Variants in PRKRIP1 observed in about 807,000 individuals in gnomAD.
PRKRIP1 encodes the protein PRKR interacting protein 1.
PRKRIP1 carries 29 observed loss-of-function variants against 29.3 expected under a neutral mutation model. The observed-to-expected ratio is 0.99, with a 90% CI of 0.74 to 1.35. The LOEUF (loss-of-function observed/expected upper bound fraction) is 1.35, where lower values mean the gene tolerates loss of function less well. Among genes scored for constraint, PRKRIP1 ranks in the 40% most tolerant of loss-of-function variants. The pLI is 0.00. For missense variants in PRKRIP1, 247 were observed against 236.8 expected, an observed-to-expected ratio of 1.04 and a Z score of -0.28; for synonymous variants, 90 against 85.1, an observed-to-expected ratio of 1.06 and a Z score of -0.32.
At chr7:102,401,267 G>C (rs1030398302) in intron 3 of PRKRIP1, among the ~76,000 whole-genome samples, 2 of 152,170 alleles carry the variant, frequency 1.3e-5, no homozygotes, top group Non-Finnish European at 2.9e-5. Flanking sequence ...AGCACAACAG[G>C]AATTGTTGAG....
In PRKRIP1 at chr7:102,396,422, C is replaced by A; in HGVS notation, c.11C>A (p.Pro4Gln). The A allele has an allele frequency of 6.3e-7, 1 of 1,584,698 alleles. No homozygotes were observed. The highest frequency in any genetic ancestry group is 1.1e-5 in the South Asian group (1 of 89,586). The change falls in exon 1 of 6, where the codon CCA becomes CAA. Residue 4 changes from proline (P) to glutamine (Q), a missense_variant. By Grantham distance (76) the Pro-to-Gln change is moderately conservative (BLOSUM62 -1). Transcript: ENST00000397912. ...AACTGGAAGGCTGCCATGGCTAGCC[C>A]AGCCGCCTCCTCGGTGCGACCACCG... is the stretch of plus-strand genomic sequence containing the variant. MAS[P>Q]AASSVRPPRP...
At position 102,425,125 on chromosome 7, in the gene PRKRIP1, AG is replaced by A. The variant is rs781865486; in HGVS notation, c.*15del. 4.2e-5 allele frequency: 68 copies of A among 1,608,188 alleles called. No homozygotes were observed. The highest frequency in any genetic ancestry group is 5.7e-5 in the Non-Finnish European group (67 of 1,179,036). On this transcript the variant is annotated 3_prime_UTR_variant, in exon 6 of 6. Coordinates refer to ENST00000397912, the MANE Select transcript of PRKRIP1 (RefSeq NM_024653.4). ...ATGGGGCGATGACAATGTTTGCCAC[AG>A]CCTCTGCCTGGAACCTGGCTCGTGC...
chr7:102,416,866 T>C (rs575914885), intron 5 of PRKRIP1, among the ~76,000 whole-genome samples: 1 of 152,032 alleles, frequency 6.6e-6, no homozygotes, highest in African/African-American at 2.4e-5. Context: ...TTTGTTTGTT[T>C]GTTTGTTGAG....
chr7:102,405,046 C>T (rs1586679395), intron 4 of PRKRIP1, among the ~76,000 whole-genome samples: 2 of 152,070 alleles, frequency 1.3e-5, no homozygotes, highest in East Asian at 3.8e-4. Flanking sequence ...CCTGCCTCAG[C>T]CTCCTGAGTA....
At chr7:102,407,302 A>G in intron 4 of PRKRIP1, 132 bp from the exon 5 acceptor site, 1 of 610,096 alleles carries the variant, frequency 1.6e-6, no homozygotes, top group Non-Finnish European at 2.9e-6. Flanking sequence ...CTCACCTAAT[A>G]TTTTTCTTAT....
At chr7:102,400,187 GTAGTCCCAGC>G (rs1796026459) in intron 3 of PRKRIP1, among the ~76,000 whole-genome samples, 2 of 151,884 alleles carry the variant, frequency 1.3e-5, no homozygotes, top group African/African-American at 4.8e-5. Flanking sequence ...GTGGGCAACT[GTAGTCCCAGC>G]TACTTAGGAG....
At chr7:102,399,749 G>A in intron 3 of PRKRIP1, 101 bp downstream of exon 3, 1 of 907,548 alleles carries the variant, frequency 1.1e-6, no homozygotes, top group Non-Finnish European at 1.7e-6. Flanking sequence ...GGTGGCTCAG[G>A]CCTGTAATCC....
At chr7:102,417,783 C>T (rs1796594278) in intron 5 of PRKRIP1, among the ~76,000 whole-genome samples, 1 of 151,750 alleles carries the variant, frequency 6.6e-6, no homozygotes, top group Non-Finnish European at 1.5e-5. Flanking sequence ...ATGCCCGGCT[C>T]AGTTTTAAAA....
At position 102,426,485 on chromosome 7, in the gene PRKRIP1, A is replaced by T. The variant is rs1357146016; in HGVS notation, c.*1374A>T. The T allele has an allele frequency of 1.3e-5, 2 of 152,694 alleles. No individual in the cohort carries two copies. The highest frequency in any genetic ancestry group is 2.9e-5 in the Non-Finnish European group (2 of 68,078). 9.5% of individuals were successfully genotyped at this position (152,694 alleles called of 1,614,324 possible). A position where few individuals can be genotyped will look rare whatever the true frequency, so the allele number is the denominator to read the frequency against. On this transcript the variant is annotated 3_prime_UTR_variant, in exon 6 of 6. Transcript: ENST00000397912. ...AGTGGTTTTGAGTGAAGGGAAAGGA[A>T]ACCCAGAAACATTTTACGTTGCTTT...
rs552521795 is a variant in PRKRIP1, at chr7:102,406,998, G to A, written c.393-436G>A. Among the ~76,000 whole-genome samples, 6 of 152,132 alleles carry A rather than the reference G, an allele frequency of 3.9e-5. No individual in the cohort carries two copies. The East Asian group carries it at 5.8e-4, about 15-fold the overall frequency. On this transcript the variant is annotated intron_variant, in intron 4 of 5. Coordinates refer to ENST00000397912, the MANE Select transcript of PRKRIP1 (RefSeq NM_024653.4). ...TGGGAGGCCAAGGCAGGTGGATCAC[G>A]AGGTAGGAGATCGAGACCATCCTGG...
intron 3 of PRKRIP1, among the ~76,000 whole-genome samples, chr7:102,400,155 C>CA (rs1232739261): frequency 6.6e-6 from 1 of 151,486 alleles, no homozygotes; most frequent in African/African-American, 2.4e-5. Context: ...ACTAAAAATA[C>CA]AGAAATTAGC....
chr7:102,407,417 T>C lies in PRKRIP1; in HGVS notation c.393-17T>C. 2 of 1,530,700 alleles carry C rather than the reference T, an allele frequency of 1.3e-6. No individual in the cohort carries two copies. Among genetic ancestry groups the C allele is most frequent in the Non-Finnish European group, 1.8e-6 (2 of 1,104,274 alleles). 94.8% of individuals were successfully genotyped at this position (1,530,700 alleles called of 1,614,324 possible). On this transcript the variant is annotated splice_polypyrimidine_tract_variant and intron_variant, in intron 4 of 5. Coordinates refer to ENST00000397912, the MANE Select transcript of PRKRIP1 (RefSeq NM_024653.4). ...AATGTAGTTAAGGAATCAATGTATATGGTTTTACATTTTTAGCCAGAAGTT... is the reference window on the plus strand; with the variant it reads ...AATGTAGTTAAGGAATCAATGTATACGGTTTTACATTTTTAGCCAGAAGTT...
chr7:102,420,468 T>A (rs1796665327), intron 5 of PRKRIP1, among the ~76,000 whole-genome samples: 1 of 152,212 alleles, frequency 6.6e-6, no homozygotes, highest in South Asian at 2.1e-4. Flanking sequence ...TCTTTTTAAT[T>A]CTTGTATCAC....
chr7:102,407,976 T>C (rs1796278896), intron 5 of PRKRIP1, among the ~76,000 whole-genome samples: 1 of 152,182 alleles, frequency 6.6e-6, no homozygotes, highest in Non-Finnish European at 1.5e-5. Flanking sequence ...AGAATGCTTT[T>C]GGCTACAAGC....
At chr7:102,417,771 C>T (rs1796593941) in intron 5 of PRKRIP1, among the ~76,000 whole-genome samples, 1 of 151,950 alleles carries the variant, frequency 6.6e-6, no homozygotes, top group South Asian at 2.1e-4. Flanking sequence ...GCATGCACCA[C>T]CATGCCCGGC....
chr7:102,396,905 C>G (rs565728613), intron 1 of PRKRIP1, among the ~76,000 whole-genome samples: 1 of 152,214 alleles, frequency 6.6e-6, no homozygotes, highest in South Asian at 2.1e-4. Context: ...GTGGCCGAGA[C>G]GTTTGGAGCT....
rs527435767 is a variant in PRKRIP1 at position 102,423,535 on chromosome 7, G to C, written c.458-1479G>C. The stretch of plus-strand genomic sequence containing the variant: ...AGCAGCAAGTTCCTCCACCTCTCTG[G>C]GTCTTTTATCTTCTTCATCTGTAAA... On this transcript the variant is annotated intron_variant, in intron 5 of 5. Transcript: ENST00000397912. The C allele has an allele frequency of 1.9e-3, 407 of 213,232 alleles. 7 individuals are homozygous for C. In the Middle Eastern group the frequency reaches 0.027, roughly 14 times the overall value. 13.2% of individuals were successfully genotyped at this position (213,232 alleles called of 1,614,324 possible). A position where few individuals can be genotyped will look rare whatever the true frequency, so the allele number is the denominator to read the frequency against.
In PRKRIP1 at chr7:102,426,328, G is replaced by A. The variant is rs1554574455; in HGVS notation, c.*1217G>A. ...GGAGCCGAGACCAGCCTTTTACCTC[G>A]GGGTTTTGAGGCCAACAGGGACGAC... On this transcript the variant is annotated 3_prime_UTR_variant, in exon 6 of 6. Transcript: ENST00000397912. 2 of 152,544 alleles carry A rather than the reference G, an allele frequency of 1.3e-5. No individual in the cohort carries two copies. The highest frequency in any genetic ancestry group is 2.9e-5 in the Non-Finnish European group (2 of 68,100). 9.4% of individuals were successfully genotyped at this position (152,544 alleles called of 1,614,324 possible).
chr7:102,414,910 A>G (rs782286105), intron 5 of PRKRIP1, among the ~76,000 whole-genome samples: 1 of 152,140 alleles, frequency 6.6e-6, no homozygotes, highest in South Asian at 2.1e-4. Flanking sequence ...AAATAATAAT[A>G]AAGATAAATT....
Sources: allele counts gnomAD v4.1 joint callset (sites outside exome capture counted in the v4.1 genomes callset), GRCh38; gene constraint gnomAD v4.1.1; transcripts MANE v1.5; gene names NCBI Gene and HGNC (gene_info 2026-07-23, HGNC 2026-07-21).